Variants in DACH1 observed in about 807,000 individuals in gnomAD.
The protein encoded by DACH1 is dachshund homolog 1.
Under a neutral mutation model 54.2 loss-of-function variants are expected in DACH1, and 12 were observed. The observed-to-expected ratio is 0.22, with a 90% confidence interval of 0.14 to 0.36. The LOEUF (loss-of-function observed/expected upper bound fraction) is 0.36. Ranked by LOEUF, DACH1 falls within the 10% of genes least tolerant of loss-of-function variation. The pLI is 1.00. For synonymous variants in DACH1, 386 were observed against 366.2 expected, an observed-to-expected ratio of 1.05 and a Z score of -0.62; for missense variants, 805 against 929.8, an observed-to-expected ratio of 0.87 and a Z score of 1.75.
intron 1 of DACH1, among the ~76,000 whole-genome samples, chr13:71,683,464 T>A (rs918032003): frequency 6.6e-6 from 1 of 152,070 alleles, no homozygotes; most frequent in African/African-American, 2.4e-5. Context: ...AATGTATGGA[T>A]ATACAGGATT....
At chr13:71,621,750 G>C (rs530520735) in intron 3 of DACH1, among the ~76,000 whole-genome samples, 2 of 152,144 alleles carry the variant, frequency 1.3e-5, no homozygotes, top group African/African-American at 4.8e-5. Context: ...CATGGTCTGC[G>C]AGGCACTGCT....
intron 6 of DACH1, among the ~76,000 whole-genome samples, chr13:71,505,999 T>G (rs1280391954): frequency 6.6e-6 from 1 of 152,134 alleles, no homozygotes; most frequent in African/African-American, 2.4e-5. Context: ...CTTCATCCTC[T>G]TGATATAGAT....
chr13:71,528,395 G>T (rs1249905446), intron 6 of DACH1, among the ~76,000 whole-genome samples: 1 of 149,588 alleles, frequency 6.7e-6, no homozygotes, highest in Non-Finnish European at 1.5e-5. Context: ...TCAGGAAAAA[G>T]CAGATTTTAG....
chr13:71,522,287 C>G (rs1182045660), intron 6 of DACH1, among the ~76,000 whole-genome samples: 1 of 152,012 alleles, frequency 6.6e-6, no homozygotes. Flanking sequence ...AAACTCTTCC[C>G]TCCACATTGA....
chr13:71,608,293 A>G (rs1462026489), intron 3 of DACH1, among the ~76,000 whole-genome samples: 1 of 152,058 alleles, frequency 6.6e-6, no homozygotes, highest in Non-Finnish European at 1.5e-5. Flanking sequence ...ACTAATACAC[A>G]TTAAAATTCG....
At chr13:71,571,796 C>T (rs1885221492) in intron 4 of DACH1, among the ~76,000 whole-genome samples, 1 of 147,430 alleles carries the variant, frequency 6.8e-6, no homozygotes, top group African/African-American at 2.5e-5. Context: ...AGTGCAGTGG[C>T]ACGATCTCAG....
At chr13:71,738,642 G>C (rs1264133041) in intron 1 of DACH1, among the ~76,000 whole-genome samples, 1 of 142,140 alleles carries the variant, frequency 7.0e-6, no homozygotes, top group Non-Finnish European at 1.5e-5. Flanking sequence ...TGAGGCAGGA[G>C]AGTTGCTTGA....
intron 2 of DACH1, among the ~76,000 whole-genome samples, chr13:71,673,604 C>T (rs1880346116): frequency 6.7e-6 from 1 of 150,318 alleles, no homozygotes; most frequent in Non-Finnish European, 1.5e-5. Flanking sequence ...ACACCGGTGC[C>T]TGTTGGGGGG....
chr13:71,532,436 C>T (rs1040178309), intron 6 of DACH1, among the ~76,000 whole-genome samples: 1 of 151,624 alleles, frequency 6.6e-6, no homozygotes, highest in African/African-American at 2.4e-5. Flanking sequence ...TACTAACTCC[C>T]GTTCCACCAA....
At chr13:71,572,235 CACAT>C (rs1455045856) in intron 4 of DACH1, among the ~76,000 whole-genome samples, 1 of 151,974 alleles carries the variant, frequency 6.6e-6, no homozygotes, top group African/African-American at 2.4e-5. Context: ...ACATATATAA[CACAT>C]ACGATGCACA....
intron 3 of DACH1, among the ~76,000 whole-genome samples, chr13:71,627,594 T>C (rs1356629111): frequency 6.6e-6 from 1 of 152,094 alleles, no homozygotes; most frequent in Non-Finnish European, 1.5e-5. Context: ...CTAGAATTCA[T>C]GTGCTTCAGC....
chr13:71,515,378 A>G (rs1881080517), intron 6 of DACH1, among the ~76,000 whole-genome samples: 2 of 151,964 alleles, frequency 1.3e-5, no homozygotes, highest in Admixed American at 1.3e-4. Flanking sequence ...TTATGCACTG[A>G]ATATTTTCAC....
intron 2 of DACH1, among the ~76,000 whole-genome samples, chr13:71,635,331 T>C (rs1264532459): frequency 2.6e-5 from 4 of 152,196 alleles, no homozygotes; most frequent in Non-Finnish European, 5.9e-5. Context: ...TCTGCATTTA[T>C]TGAACTTCCT....
chr13:71,500,591 A>G lies in DACH1; in HGVS notation c.1571-11443T>C, dbSNP rs535540005. On this transcript the variant is annotated intron_variant, in intron 6 of 10. Coordinates refer to ENST00000613252, the MANE Select transcript of DACH1 (RefSeq NM_080759.6). Reference sequence around the variant, plus strand: ...GGAAATCACCTCATCTACATTCTTCATTTTTCAGATGAAACAAGCCCAATA... The same window carrying G: ...GGAAATCACCTCATCTACATTCTTCGTTTTTCAGATGAAACAAGCCCAATA... Among the ~76,000 whole-genome samples, 16 of 152,244 alleles carry G rather than the reference A, an allele frequency of 1.1e-4. No individual in the cohort carries two copies. In the South Asian group the frequency reaches 3.1e-3, roughly 30 times the overall value.
chr13:71,718,464 T>C (rs551328407), intron 1 of DACH1, among the ~76,000 whole-genome samples: 95 of 150,928 alleles, frequency 6.3e-4, no homozygotes, highest in Non-Finnish European at 1.2e-3. Context: ...GGTGCACCTA[T>C]ACTCCCAGCT....
intron 7 of DACH1, among the ~76,000 whole-genome samples, chr13:71,484,405 G>T (rs1878304611): frequency 6.6e-6 from 1 of 152,050 alleles, no homozygotes; most frequent in South Asian, 2.1e-4. Flanking sequence ...GGCCTCAAGT[G>T]GTCTTATTGC....
chr13:71,520,964 A>G (rs1184388940), intron 6 of DACH1, among the ~76,000 whole-genome samples: 1 of 152,022 alleles, frequency 6.6e-6, no homozygotes, highest in Admixed American at 6.6e-5. Context: ...TTTAAGCTAC[A>G]TCACTTTTAA....
At chr13:71,612,915 AG>A (rs1875442303) in intron 3 of DACH1, among the ~76,000 whole-genome samples, 1 of 152,204 alleles carries the variant, frequency 6.6e-6, no homozygotes, top group South Asian at 2.1e-4. Context: ...GAATTCATTC[AG>A]GACTATTTGT....
intron 1 of DACH1, among the ~76,000 whole-genome samples, chr13:71,743,623 A>G (rs151325585): frequency 2.0e-5 from 3 of 152,332 alleles, no homozygotes; most frequent in Non-Finnish European, 2.9e-5. Flanking sequence ...AGAATATCCT[A>G]TGCCAGGTAA....
Sources: gnomAD v4.1 joint callset for allele counts (sites outside exome capture counted in the v4.1 genomes callset) on GRCh38, gnomAD v4.1.1 for gene constraint, MANE v1.5 for transcripts, NCBI Gene and HGNC (gene_info 2026-07-23, HGNC 2026-07-21) for gene names.